Variants in MBTD1 observed in about 807,000 individuals in gnomAD.
The protein encoded by MBTD1 is MBT domain-containing protein 1.
In MBTD1, 24 loss-of-function variants were observed where a neutral mutation model predicts 87.8. The ratio of observed to expected loss-of-function variants is 0.27; its 90% CI spans 0.20 to 0.38. The LOEUF is 0.38. Ranked by LOEUF, MBTD1 falls within the 10% of genes least tolerant of loss-of-function variation. The pLI is 1.00. For synonymous variants in MBTD1, 237 were observed against 248.6 expected (o/e 0.95, Z 0.44); for missense variants, 436 against 760.2 (o/e 0.57, Z 5.02).
At chr17:51,213,506 G>C (rs917622839) in intron 6 of MBTD1, among the ~76,000 whole-genome samples, 1 of 150,874 alleles carries the variant, frequency 6.6e-6, no homozygotes, top group Non-Finnish European at 1.5e-5. Flanking sequence ...CATTAGGATA[G>C]ATATGGATAC....
intron 2 of MBTD1, among the ~76,000 whole-genome samples, chr17:51,248,468 T>C (rs1432297832): frequency 6.6e-6 from 1 of 152,224 alleles, no homozygotes; most frequent in Non-Finnish European, 1.5e-5. Flanking sequence ...AATTAAGGCA[T>C]ACTGTTGAAC....
chr17:51,260,453 T>C (rs1020065588), upstream of MBTD1: 57 of 970,658 alleles, frequency 5.9e-5, no homozygotes, highest in South Asian at 9.3e-4. Context: ...GAGGGAGTGC[T>C]GGTCACGTGG....
chr17:51,206,413 C>G (rs2051839401), intron 7 of MBTD1, among the ~76,000 whole-genome samples: 1 of 152,092 alleles, frequency 6.6e-6, no homozygotes, highest in Admixed American at 6.6e-5. Flanking sequence ...CAGCTCTTAC[C>G]ACTTTTTTTA....
At chr17:51,210,550 G>A (rs1399099820) in intron 6 of MBTD1, among the ~76,000 whole-genome samples, 1 of 151,934 alleles carries the variant, frequency 6.6e-6, no homozygotes, top group East Asian at 2.0e-4. Context: ...GAGGTCAGGA[G>A]TTCAAGAGCA....
At chr17:51,230,949 T>C (rs1452217628) in intron 2 of MBTD1, among the ~76,000 whole-genome samples, 1 of 152,224 alleles carries the variant, frequency 6.6e-6, no homozygotes, top group African/African-American at 2.4e-5. Flanking sequence ...ATAGTTTTTT[T>C]TGTTTTTTGA....
intron 2 of MBTD1, among the ~76,000 whole-genome samples, chr17:51,238,609 G>C (rs538981006): frequency 2.0e-5 from 3 of 152,298 alleles, no homozygotes; most frequent in African/African-American, 7.2e-5. Context: ...TTTGTGTTTG[G>C]AGCTTGTTGC....
intron 16 of MBTD1, among the ~76,000 whole-genome samples, chr17:51,186,755 C>G (rs2050556395): frequency 6.7e-6 from 1 of 149,636 alleles, no homozygotes; most frequent in South Asian, 2.1e-4. Flanking sequence ...ACCTGGGCGA[C>G]AAAGCAAGAC....
intron 2 of MBTD1, 123 bp downstream of exon 2, chr17:51,259,020 T>A (rs1055727038): frequency 1.3e-5 from 5 of 395,418 alleles, no homozygotes; most frequent in Non-Finnish European, 1.8e-5. Flanking sequence ...AGGACATGAA[T>A]GAGACTGAAG....
chr17:51,202,715 C>T lies in MBTD1; in HGVS notation c.1049G>A (p.Arg350Gln). 6.2e-7 allele frequency: 1 copy of T among 1,613,592 alleles called. No individual in the cohort carries two copies. Among genetic ancestry groups the T allele is most frequent in the Non-Finnish European group, 8.5e-7 (1 of 1,179,520 alleles). Reference sequence around the variant, plus strand: ...TAGGTGCTTACCAGATCTTTTGAATCGATGACCTATGCTTCGAGACCAACC... The same window carrying T: ...TAGGTGCTTACCAGATCTTTTGAATTGATGACCTATGCTTCGAGACCAACC... ...HIGWSRSIGH[R>Q]FKRSDITKKQ... Residue 350 changes from arginine to glutamine, a missense_variant, in exon 10 of 17, where the codon CGA (arginine) becomes CAA (glutamine). By Grantham distance (43) the Arg-to-Gln change is conservative (BLOSUM62 1). Around this residue, in one of 5 missense-constraint regions of MBTD1, gnomAD observed 268 missense variants for 401.8 expected, o/e 0.67. Transcript: ENST00000586178.
chr17:51,206,203 C>A (rs1055751349), intron 7 of MBTD1, among the ~76,000 whole-genome samples: 1 of 152,054 alleles, frequency 6.6e-6, no homozygotes. Context: ...ATAAACAGAA[C>A]GGAAGAACCC....
At chr17:51,235,630 C>T (rs564465292) in intron 2 of MBTD1, among the ~76,000 whole-genome samples, 1 of 152,236 alleles carries the variant, frequency 6.6e-6, no homozygotes, top group African/African-American at 2.4e-5. Context: ...ATGCACTTGA[C>T]AAAAATCTAA....
At chr17:51,202,304 A>G (rs1275573792) in intron 10 of MBTD1, among the ~76,000 whole-genome samples, 1 of 152,218 alleles carries the variant, frequency 6.6e-6, no homozygotes, top group East Asian at 1.9e-4. Context: ...TCATAATTTT[A>G]ATGTAATTCC....
At chr17:51,233,347 C>T (rs1166918122) in intron 2 of MBTD1, among the ~76,000 whole-genome samples, 1 of 151,920 alleles carries the variant, frequency 6.6e-6, no homozygotes, top group Non-Finnish European at 1.5e-5. Context: ...AGGAAAGATG[C>T]ATCTATAGGA....
intron 15 of MBTD1, 126 bp downstream of exon 15, chr17:51,192,654 TTA>T: frequency 6.6e-7 from 1 of 1,511,018 alleles, no homozygotes; most frequent in South Asian, 1.3e-5. Context: ...TCTTAATGTC[TTA>T]CCTGGCAACC....
chr17:51,248,386 A>T (rs2054575355), intron 2 of MBTD1, among the ~76,000 whole-genome samples: 2 of 152,192 alleles, frequency 1.3e-5, no homozygotes, highest in Admixed American at 1.3e-4. Flanking sequence ...AGTATTATGT[A>T]GTACTTTTCT....
chr17:51,216,995 G>A (rs2052607448), intron 6 of MBTD1, among the ~76,000 whole-genome samples: 2 of 152,056 alleles, frequency 1.3e-5, no homozygotes. Flanking sequence ...GATGCCAGGA[G>A]TTTGACACCA....
At chr17:51,203,770 A>T in intron 8 of MBTD1, 21 bp downstream of exon 8, 1 of 1,595,920 alleles carries the variant, frequency 6.3e-7, no homozygotes, top group Non-Finnish European at 8.5e-7. Context: ...AAATTACGGT[A>T]AGGGTAAATA....
chr17:51,260,417 G>A (rs1248377497), upstream of MBTD1: 3 of 725,136 alleles, frequency 4.1e-6, no homozygotes, highest in Non-Finnish European at 4.4e-6. Flanking sequence ...GCGGGGCTGG[G>A]TAGGGGAGCG....
At position 51,185,288 on chromosome 17, in the gene MBTD1, A is replaced by G. The variant is rs543316067; in HGVS notation, c.1769-4594T>C. ...AAGGCAGGTATAACTTTGGCTTTGA[A>G]GCTGTATGATCTGATCTGTACTCAT... On this transcript the variant is annotated intron_variant, in intron 16 of 16. Coordinates refer to ENST00000586178, the MANE Select transcript of MBTD1 (RefSeq NM_017643.3). 7 of 152,376 alleles carry G rather than the reference A, an allele frequency of 4.6e-5. 1 individual carries two copies. The South Asian group carries it at 1.4e-3, about 32-fold the overall frequency. 9.4% of individuals were successfully genotyped at this position (152,376 alleles called of 1,614,324 possible).
Sources: gnomAD v4.1 joint callset for allele counts (sites outside exome capture counted in the v4.1 genomes callset) on GRCh38, gnomAD v4.1.1 for gene constraint, gnomAD v4.1.1 regional missense constraint, MANE v1.5 for transcripts, NCBI Gene and HGNC (gene_info 2026-07-23, HGNC 2026-07-21) for gene names.